DTNA: variants seen among roughly 807,000 people sequenced by gnomAD.
DTNA encodes the protein dystrobrevin alpha.
DTNA carries 43 observed loss-of-function variants against 100.7 expected under a neutral mutation model. That is an observed-to-expected ratio of 0.43 (90% CI 0.33 to 0.55). DTNA has a LOEUF of 0.55. DTNA is among the 20% of genes least tolerant of loss of function. DTNA has a pLI of 0.04. For missense variants in DTNA, 798 were observed against 953.9 expected, an observed-to-expected ratio of 0.84 and a Z score of 2.15; for synonymous variants, 349 against 347.9, an observed-to-expected ratio of 1.00 and a Z score of -0.04.
At chr18:34,701,064 G>A (rs2081298361) in intron 1 of DTNA, among the ~76,000 whole-genome samples, 2 of 152,134 alleles carry the variant, frequency 1.3e-5, no homozygotes, top group South Asian at 4.1e-4. Flanking sequence ...CTCTCTGCCT[G>A]TAGTGGACCA....
At chr18:34,680,465 G>C (rs568685338) in intron 1 of DTNA, among the ~76,000 whole-genome samples, 94 of 152,236 alleles carry the variant, frequency 6.2e-4, no homozygotes, top group African/African-American at 2.1e-3. Flanking sequence ...TTGAAGAAAG[G>C]TGATCTTCAG....
At chr18:34,800,605 T>C (rs1210519549) in intron 4 of DTNA, among the ~76,000 whole-genome samples, 2 of 152,240 alleles carry the variant, frequency 1.3e-5, no homozygotes, top group African/African-American at 4.8e-5. Flanking sequence ...TTATCAAAAA[T>C]GCTTACCAAA....
In DTNA at chr18:34,766,024, T is replaced by C. The variant is rs2093448409; in HGVS notation, c.131T>C (p.Val44Ala). Reference sequence around the variant, plus strand: ...AGAACAGCATGCAAGCTTAGGTTTGTTCAGAAGAAATGCAATTGTAAGTAT... The same window carrying C: ...AGAACAGCATGCAAGCTTAGGTTTGCTCAGAAGAAATGCAATTGTAAGTAT... ...TYRTACKLRFVQKKCNLHLVD... is the reference protein window; with the variant it reads ...TYRTACKLRFAQKKCNLHLVD... Residue 44 changes from valine to alanine, a missense_variant, in exon 3 of 23, where the codon GTT becomes GCT. By Grantham distance (64) the Val-to-Ala change is moderately conservative (BLOSUM62 0). Coordinates refer to ENST00000444659, the MANE Select transcript of DTNA (RefSeq NM_001386795.1). 2 of 1,613,796 alleles carry C rather than the reference T, an allele frequency of 1.2e-6. No homozygotes were observed. The highest frequency in any genetic ancestry group is 2.7e-5 in the African/African-American group (2 of 75,042).
chr18:34,571,343 C>T (rs1215545733), intron 1 of DTNA, among the ~76,000 whole-genome samples: 1 of 152,166 alleles, frequency 6.6e-6, no homozygotes, highest in Admixed American at 6.5e-5. Context: ...ACTGTAGATA[C>T]TCTTCCATTT....
chr18:34,832,139 T>G (rs561748130), intron 11 of DTNA, among the ~76,000 whole-genome samples: 8 of 152,348 alleles, frequency 5.3e-5, no homozygotes, highest in African/African-American at 1.9e-4. Context: ...AATCAAAGTT[T>G]TCTTCATAGC....
At chr18:34,544,033 C>T (rs2044513046) in intron 1 of DTNA, among the ~76,000 whole-genome samples, 1 of 151,988 alleles carries the variant, frequency 6.6e-6, no homozygotes, top group Admixed American at 6.6e-5. Flanking sequence ...ACATAAAAAG[C>T]CAGTTAGTAG....
intron 1 of DTNA, among the ~76,000 whole-genome samples, chr18:34,495,194 C>CAT (rs2039054761): frequency 6.6e-6 from 1 of 152,174 alleles, no homozygotes; most frequent in African/African-American, 2.4e-5. Flanking sequence ...TGAAGATGAA[C>CAT]CTTAATAGGT....
intron 1 of DTNA, among the ~76,000 whole-genome samples, chr18:34,659,062 T>C (rs551791254): frequency 6.6e-6 from 1 of 152,220 alleles, no homozygotes; most frequent in African/African-American, 2.4e-5. Context: ...AAACACCTAC[T>C]GCCTTCCTAT....
chr18:34,535,848 T>G (rs1012485874), intron 1 of DTNA, among the ~76,000 whole-genome samples: 1 of 152,054 alleles, frequency 6.6e-6, no homozygotes, highest in African/African-American at 2.4e-5. Flanking sequence ...ATACCAGAAT[T>G]CAGTATTTTA....
intron 1 of DTNA, among the ~76,000 whole-genome samples, chr18:34,753,214 T>C (rs1231683252): frequency 1.3e-5 from 2 of 152,142 alleles, no homozygotes; most frequent in South Asian, 2.1e-4. Context: ...AAGTGTTAAA[T>C]AGGAGTAGAG....
intron 1 of DTNA, among the ~76,000 whole-genome samples, chr18:34,732,559 C>T (rs2088554672): frequency 6.6e-6 from 1 of 152,194 alleles, no homozygotes; most frequent in African/African-American, 2.4e-5. Context: ...AGAGCACCTC[C>T]CTGCTTACGT....
chr18:34,593,062 G>T (rs2049922380), intron 1 of DTNA, among the ~76,000 whole-genome samples: 1 of 152,162 alleles, frequency 6.6e-6, no homozygotes, highest in African/African-American at 2.4e-5. Flanking sequence ...GTAGGGGGAG[G>T]GGATGGCAGG....
intron 20 of DTNA, among the ~76,000 whole-genome samples, chr18:34,881,436 G>GTTTT (rs1603350679): frequency 4.4e-5 from 3 of 68,422 alleles, no homozygotes; most frequent in African/African-American, 2.3e-4. Flanking sequence ...TAATTAAAAT[G>GTTTT]CTTTTTTTTT....
intron 1 of DTNA, among the ~76,000 whole-genome samples, chr18:34,589,074 A>G (rs1273695540): frequency 1.3e-5 from 2 of 151,748 alleles, no homozygotes; most frequent in Non-Finnish European, 2.9e-5. Context: ...AGCCCTTTGC[A>G]TGATTACAGT....
intron 1 of DTNA, among the ~76,000 whole-genome samples, chr18:34,697,023 CTAACAATCTA>C (rs2080667562): frequency 6.6e-6 from 1 of 152,158 alleles, no homozygotes; most frequent in South Asian, 2.1e-4. Flanking sequence ...AGGGATGCTA[CTAACAATCTA>C]CGATGCTCAG....
rs548377501 is a variant in DTNA at position 34,783,394 on chromosome 18, A to C, written c.149-10643A>C. On this transcript the variant is annotated intron_variant, in intron 3 of 22. Transcript: ENST00000444659. ...TATTCAATTTGATTTTACACCAAAA[A>C]TATGTTGTAGACCTTTTCATGAAGG... Among the ~76,000 whole-genome samples the C allele has an allele frequency of 3.3e-5, 5 of 152,342 alleles. No homozygotes were observed. In the South Asian group the frequency reaches 1.0e-3, roughly 32 times the overall value.
At chr18:34,722,704 G>A (rs1338302377) in intron 1 of DTNA, among the ~76,000 whole-genome samples, 1 of 151,664 alleles carries the variant, frequency 6.6e-6, no homozygotes. Context: ...AAGCTCCTTG[G>A]TAATGCCTCC....
intron 1 of DTNA, among the ~76,000 whole-genome samples, chr18:34,719,913 G>T (rs2084904020): frequency 1.3e-5 from 2 of 152,132 alleles, no homozygotes; most frequent in African/African-American, 4.8e-5. Flanking sequence ...CATCTACATG[G>T]CTCTGACCTT....
At chr18:34,702,306 G>A (rs1451311601) in intron 1 of DTNA, among the ~76,000 whole-genome samples, 2 of 152,212 alleles carry the variant, frequency 1.3e-5, no homozygotes, top group Admixed American at 1.3e-4. Context: ...TCCAAGCATG[G>A]ACACAGACTA....
Sources: gnomAD v4.1 joint callset for allele counts (sites outside exome capture counted in the v4.1 genomes callset) on GRCh38, gnomAD v4.1.1 for gene constraint, MANE v1.5 for transcripts, NCBI Gene and HGNC (gene_info 2026-07-23, HGNC 2026-07-21) for gene names.